The following RAB7A variants were observed in gnomAD, a reference collection of about 807,000 sequenced individuals.
The protein encoded by RAB7A is ras-related protein Rab-7a.
In RAB7A, 2 loss-of-function variants were observed where a neutral mutation model predicts 24.5. That is an observed-to-expected ratio of 0.08 (90% CI 0.03 to 0.26). The LOEUF is 0.26. RAB7A is among the 10% of genes least tolerant of loss of function. The pLI, the probability that RAB7A is intolerant of heterozygous loss-of-function variation, is 1.00. For synonymous variants in RAB7A, 100 were observed against 95.9 expected, an observed-to-expected ratio of 1.04 and a Z score of -0.25; for missense variants, 118 against 255.7, an observed-to-expected ratio of 0.46 and a Z score of 3.67.
chr3:128,802,956 C>T (rs1933730857), intron 3 of RAB7A, among the ~76,000 whole-genome samples: 1 of 152,174 alleles, frequency 6.6e-6, no homozygotes, highest in Admixed American at 6.5e-5. Flanking sequence ...AGGCGCCTGC[C>T]ACCACGCTTG....
intron 1 of RAB7A, among the ~76,000 whole-genome samples, chr3:128,731,422 A>G (rs1249892191): frequency 1.3e-5 from 2 of 152,222 alleles, no homozygotes; most frequent in Non-Finnish European, 2.9e-5. Flanking sequence ...GACCTGCACC[A>G]TGTTAATGGT....
At chr3:128,810,452 A>G (rs977634138) in intron 5 of RAB7A, among the ~76,000 whole-genome samples, 1 of 152,164 alleles carries the variant, frequency 6.6e-6, no homozygotes, top group African/African-American at 2.4e-5. Context: ...AGGGTCCAAC[A>G]ACAGACATTT....
chr3:128,807,875 T>C (rs1396253516), intron 5 of RAB7A, among the ~76,000 whole-genome samples: 4 of 152,222 alleles, frequency 2.6e-5, no homozygotes, highest in Non-Finnish European at 5.9e-5. Context: ...ATATAAAAGA[T>C]GCAGAGGCTG....
intron 1 of RAB7A, among the ~76,000 whole-genome samples, chr3:128,791,975 C>G (rs1933463542): frequency 1.3e-5 from 2 of 152,220 alleles, no homozygotes; most frequent in South Asian, 4.1e-4. Context: ...CTAGAAAGAT[C>G]TACCCACCCA....
chr3:128,783,054 C>G (rs1933256035), intron 1 of RAB7A, among the ~76,000 whole-genome samples: 1 of 152,188 alleles, frequency 6.6e-6, no homozygotes, highest in Admixed American at 6.5e-5. Context: ...TAAACAAAGA[C>G]AGATTGGCAT....
chr3:128,761,917 T>G (rs2070778697), intron 1 of RAB7A, among the ~76,000 whole-genome samples: 1 of 152,236 alleles, frequency 6.6e-6, no homozygotes, highest in Non-Finnish European at 1.5e-5. Context: ...AAGATGTCTG[T>G]GGTGCACTTA....
chr3:128,797,177 T>A (rs1208060231), intron 2 of RAB7A, among the ~76,000 whole-genome samples: 2 of 152,224 alleles, frequency 1.3e-5, no homozygotes, highest in African/African-American at 4.8e-5. Context: ...AGATTCTGGC[T>A]TAGATGGTCT....
chr3:128,756,181 C>G (rs1044572803), intron 1 of RAB7A, among the ~76,000 whole-genome samples: 1 of 151,934 alleles, frequency 6.6e-6, no homozygotes, highest in East Asian at 1.9e-4. Context: ...ACTAAAAATA[C>G]AAAAATTACC....
intron 1 of RAB7A, among the ~76,000 whole-genome samples, chr3:128,781,515 T>C (rs1933221304): frequency 6.6e-6 from 1 of 151,104 alleles, no homozygotes; most frequent in African/African-American, 2.4e-5. Context: ...CCAAAAAATT[T>C]TTCAAAAAAG....
chr3:128,760,334 C>T (rs1466043915), intron 1 of RAB7A, among the ~76,000 whole-genome samples: 1 of 152,198 alleles, frequency 6.6e-6, no homozygotes, highest in East Asian at 1.9e-4. Context: ...GGTCATGGGA[C>T]TTCTCAGCCT....
intron 1 of RAB7A, among the ~76,000 whole-genome samples, chr3:128,732,083 A>G (rs1159081535): frequency 7.0e-6 from 1 of 143,104 alleles, no homozygotes; most frequent in East Asian, 2.2e-4. Flanking sequence ...CTCTGTCGCC[A>G]GGCTGGAGTG....
chr3:128,764,688 A>AT (rs1267904166), intron 1 of RAB7A: 4 of 836,296 alleles, frequency 4.8e-6, no homozygotes, highest in Non-Finnish European at 8.3e-6. Context: ...ACTGATTCAC[A>AT]TTTTTTTCCA....
intron 1 of RAB7A, among the ~76,000 whole-genome samples, chr3:128,782,156 GT>G (rs1272323742): frequency 6.6e-6 from 1 of 152,106 alleles, no homozygotes; most frequent in Admixed American, 6.5e-5. Context: ...TTTCCTTCTG[GT>G]TACCTACAAT....
At chr3:128,751,760 A>G (rs2070683674) in intron 1 of RAB7A, among the ~76,000 whole-genome samples, 2 of 152,220 alleles carry the variant, frequency 1.3e-5, no homozygotes. Context: ...GGGAATGGCC[A>G]GGGGCAGAAT....
intron 1 of RAB7A, among the ~76,000 whole-genome samples, chr3:128,757,455 G>A (rs937122828): frequency 3.3e-5 from 5 of 152,056 alleles, no homozygotes; most frequent in Non-Finnish European, 7.4e-5. Context: ...TACAGGCGAG[G>A]CAGAGGCACA....
intron 1 of RAB7A, 51 bp from the exon 2 acceptor site, chr3:128,795,309 G>A: frequency 6.7e-7 from 1 of 1,489,062 alleles, no homozygotes; most frequent in Non-Finnish European, 9.4e-7. Context: ...GAGGTGTTTT[G>A]TTTTGGTGTT....
rs140070045 is a variant in RAB7A at position 128,763,043 on chromosome 3, T to A, written c.-8-32317T>A. Among the ~76,000 whole-genome samples, 38 of 151,964 alleles carry A rather than the reference T, an allele frequency of 2.5e-4. No individual in the cohort carries two copies. In the East Asian group the frequency reaches 6.8e-3, roughly 27 times the overall value. On this transcript the variant is annotated intron_variant, in intron 1 of 5. Transcript: ENST00000265062. Reference sequence around the variant, plus strand: ...CCTTTTTCTGTCATTATCTTTAGTTTTGGAAAGATCAAGCCAGTTGTCCTA... The same window carrying A: ...CCTTTTTCTGTCATTATCTTTAGTTATGGAAAGATCAAGCCAGTTGTCCTA...
chr3:128,811,148 A>G (rs962487787), intron 5 of RAB7A, among the ~76,000 whole-genome samples: 1 of 150,154 alleles, frequency 6.7e-6, no homozygotes, highest in African/African-American at 2.4e-5. Flanking sequence ...TTTTTTAGAG[A>G]CAGGGTCTTG....
At chr3:128,763,390 TG>T (rs1042353222) in intron 1 of RAB7A, among the ~76,000 whole-genome samples, 4 of 151,498 alleles carry the variant, frequency 2.6e-5, no homozygotes, top group African/African-American at 4.9e-5. Context: ...AATTTTTTTT[TG>T]TATTTTTAGT....
Sources: allele counts gnomAD v4.1 joint callset (sites outside exome capture counted in the v4.1 genomes callset), GRCh38; gene constraint gnomAD v4.1.1; transcripts MANE v1.5; gene names NCBI Gene and HGNC (gene_info 2026-07-23, HGNC 2026-07-21).